The following EXOC6 variants were observed in gnomAD, a reference collection of about 807,000 sequenced individuals.
EXOC6 encodes SEC15-like 1.
In EXOC6, 60 loss-of-function variants were observed where a neutral mutation model predicts 112.5. The observed-to-expected ratio is 0.53, with a 90% CI of 0.43 to 0.66. The LOEUF is 0.66. Ranked by LOEUF, EXOC6 falls within the 30% of genes least tolerant of loss-of-function variation. The pLI, the probability that EXOC6 is intolerant of heterozygous loss-of-function variation, is 0.00. For synonymous variants in EXOC6, 295 were observed against 308.0 expected (o/e 0.96, Z 0.44); for missense variants, 855 against 957.1 (o/e 0.89, Z 1.41).
In EXOC6 at chr10:92,869,355, C is replaced by T. The variant is rs1408765505; in HGVS notation, c.101+20721C>T. 2.0e-5 allele frequency among the ~76,000 whole-genome samples: 3 copies of T among 151,836 alleles called. No homozygotes were observed. In the South Asian group the frequency reaches 6.3e-4, roughly 32 times the overall value. On this transcript the variant is annotated intron_variant, in intron 1 of 21. Transcript: ENST00000260762. ...ACAGGGTCGCACTCTGTTGTCCAGGCTGGAGTGCAGTAGCATGATCACCGC... is the reference window on the plus strand; with the variant it reads ...ACAGGGTCGCACTCTGTTGTCCAGGTTGGAGTGCAGTAGCATGATCACCGC...
rs1843166078 is a variant in EXOC6 at position 92,990,036 on chromosome 10, A to G, written c.1954-7438A>G. On this transcript the variant is annotated intron_variant, in intron 18 of 21. Transcript: ENST00000260762. ...GAACAAACCATTGACAATATAATAT[A>G]TCCCTGTATTGGAAAGAGTTAAAAA... is the stretch of plus-strand genomic sequence containing the variant. 2.0e-5 allele frequency among the ~76,000 whole-genome samples: 3 copies of G among 152,206 alleles called. No homozygotes were observed. The South Asian group carries it at 6.2e-4, about 32-fold the overall frequency.
intron 1 of EXOC6, among the ~76,000 whole-genome samples, chr10:92,855,513 A>G (rs1847558040): frequency 1.3e-5 from 2 of 151,870 alleles, no homozygotes; most frequent in Non-Finnish European, 2.9e-5. Flanking sequence ...ATATGGTAAA[A>G]TTTTCCAGTT....
chr10:92,934,998 A>G (rs1852267432), intron 11 of EXOC6, among the ~76,000 whole-genome samples: 1 of 152,052 alleles, frequency 6.6e-6, no homozygotes, highest in Admixed American at 6.5e-5. Context: ...TAGTCAGTGT[A>G]GGCCTTTTTA....
intron 1 of EXOC6, among the ~76,000 whole-genome samples, chr10:92,842,974 G>A (rs528177065): frequency 1.6e-4 from 24 of 152,150 alleles, no homozygotes; most frequent in Non-Finnish European, 2.9e-4. Flanking sequence ...CACACACCAT[G>A]AGCCAGCCCT....
chr10:92,920,820 C>T (rs568566699), intron 8 of EXOC6, among the ~76,000 whole-genome samples: 6 of 152,200 alleles, frequency 3.9e-5, no homozygotes, highest in African/African-American at 1.4e-4. Flanking sequence ...GATGGATTGA[C>T]CTTTTTTAAA....
At chr10:92,842,597 TAG>T (rs1322552590) in intron 1 of EXOC6, among the ~76,000 whole-genome samples, 6 of 150,966 alleles carry the variant, frequency 4.0e-5, no homozygotes, top group African/African-American at 1.5e-4. Flanking sequence ...GAGAGAGGAA[TAG>T]AGAGTGCATT....
intron 20 of EXOC6, among the ~76,000 whole-genome samples, chr10:93,050,759 C>CAAAACAAAAAAAAAAA (rs1846243938): frequency 2.7e-5 from 1 of 37,306 alleles, no homozygotes; most frequent in Non-Finnish European, 4.4e-5. Flanking sequence ...GACTCCGTCT[C>CAAAACAAAAAAAAAAA]AAAAAAAAAA....
intron 17 of EXOC6, among the ~76,000 whole-genome samples, chr10:92,960,096 C>T (rs1308055252): frequency 6.6e-6 from 1 of 152,204 alleles, no homozygotes; most frequent in East Asian, 1.9e-4. Context: ...ATTGCCCAAA[C>T]TTGGAAGCAA....
Position 92,997,623 on chromosome 10 carries a change from C to T in EXOC6, c.2095+8C>T, listed in dbSNP as rs771288645. ...ATGTCATACAGTGTGAATGTAAGTA[C>T]TATATTGGTTTATTCTTATGTATTA... On this transcript the variant is annotated splice_region_variant and intron_variant, in intron 19 of 21. Coordinates refer to ENST00000260762, the MANE Select transcript of EXOC6 (RefSeq NM_019053.6). The T allele has an allele frequency of 5.0e-6, 8 of 1,594,146 alleles. No homozygotes were observed. Among genetic ancestry groups the T allele is most frequent in the South Asian group, 1.1e-5 (1 of 87,460 alleles).
intron 17 of EXOC6, among the ~76,000 whole-genome samples, chr10:92,957,181 G>C (rs1235286085): frequency 6.6e-6 from 1 of 151,948 alleles, no homozygotes; most frequent in Non-Finnish European, 1.5e-5. Flanking sequence ...TCTCTTTATT[G>C]TTCTCTCTGT....
At chr10:92,987,192 A>G (rs1182247557) in intron 18 of EXOC6, among the ~76,000 whole-genome samples, 2 of 152,182 alleles carry the variant, frequency 1.3e-5, no homozygotes, top group East Asian at 3.8e-4. Context: ...CCCTAGACCT[A>G]ACAACTAAAA....
chr10:92,845,793 C>G (rs1254691649), upstream of EXOC6, among the ~76,000 whole-genome samples: 1 of 151,880 alleles, frequency 6.6e-6, no homozygotes. Context: ...ACAAAATTAG[C>G]TGGGCGTGGT....
intron 7 of EXOC6, among the ~76,000 whole-genome samples, chr10:92,918,822 ATATG>A (rs1405100009): frequency 9.2e-5 from 14 of 152,160 alleles, no homozygotes; most frequent in Non-Finnish European, 1.5e-4. Flanking sequence ...ATTTGTGTGA[ATATG>A]TATGCACATA....
intron 9 of EXOC6, among the ~76,000 whole-genome samples, chr10:92,931,792 G>A (rs1161921450): frequency 6.6e-6 from 1 of 152,022 alleles, no homozygotes; most frequent in Non-Finnish European, 1.5e-5. Flanking sequence ...ATAATAGCAA[G>A]TGCTGGTGAG....
chr10:92,996,752 T>C (rs916022007), intron 18 of EXOC6, among the ~76,000 whole-genome samples: 8 of 152,176 alleles, frequency 5.3e-5, no homozygotes, highest in Admixed American at 3.9e-4. Context: ...TAGGAGATTA[T>C]TATAGTAGGA....
At chr10:92,844,748 A>T (rs1000440531), upstream of EXOC6, among the ~76,000 whole-genome samples, 6 of 152,208 alleles carry the variant, frequency 3.9e-5, no homozygotes, top group African/African-American at 1.2e-4. Flanking sequence ...AACATAATAC[A>T]TATATTATCT....
chr10:93,014,322 T>A, intron 20 of EXOC6, 55 bp downstream of exon 20: 1 of 1,353,492 alleles, frequency 7.4e-7, no homozygotes, highest in Non-Finnish European at 1.0e-6. Context: ...TGCCCTCCCC[T>A]CACTTTTTTT....
chr10:93,043,676 G>A (rs1350719181), intron 20 of EXOC6, among the ~76,000 whole-genome samples: 1 of 152,170 alleles, frequency 6.6e-6, no homozygotes, highest in Non-Finnish European at 1.5e-5. Flanking sequence ...GTTATCCAGA[G>A]GTCAGGTAGG....
intron 12 of EXOC6, among the ~76,000 whole-genome samples, chr10:92,937,078 G>A (rs574048568): frequency 6.6e-5 from 10 of 152,270 alleles, no homozygotes; most frequent in African/African-American, 2.2e-4. Flanking sequence ...GTGATTTTCA[G>A]TATCAAAGTT....
Sources: gnomAD v4.1 joint callset for allele counts (sites outside exome capture counted in the v4.1 genomes callset) on GRCh38, gnomAD v4.1.1 for gene constraint, MANE v1.5 for transcripts, NCBI Gene and HGNC (gene_info 2026-07-23, HGNC 2026-07-21) for gene names.